The following NCR1 variants were observed in gnomAD, a reference collection of about 807,000 sequenced individuals.
NCR1 encodes the protein natural cytotoxicity triggering receptor 1.
NCR1 carries 30 observed loss-of-function variants against 32.5 expected under a neutral mutation model. The observed-to-expected ratio is 0.92, with a 90% CI of 0.69 to 1.25. The LOEUF (loss-of-function observed/expected upper bound fraction) is 1.25. NCR1 is among the 50% of genes most tolerant of loss of function. The pLI is 0.00. For missense variants in NCR1, 369 were observed against 380.7 expected (o/e 0.97, Z 0.26); for synonymous variants, 169 against 143.4 (o/e 1.18, Z -1.28).
chr19:54,912,016 C>T (rs2068000726), intron 5 of NCR1, 152 bp from the exon 6 acceptor site: 1 of 692,590 alleles, frequency 1.4e-6, no homozygotes, highest in Non-Finnish European at 2.6e-6. Flanking sequence ...GTGGACCCTT[C>T]CACTTTACCT....
At chr19:54,934,407 G>GT in the NCR1 span, 48 of 1,404,368 alleles carry the variant, frequency 3.4e-5, no homozygotes, top group Middle Eastern at 3.5e-4. The surrounding 1 kb of genome is among the most constrained non-coding windows in gnomAD (Gnocchi z 6.7). Flanking sequence ...CCACGTGGGT[G>GT]GCGCAGTAAG....
chr19:54,932,810 C>A, the NCR1 span, among the ~76,000 whole-genome samples: 3 of 152,094 alleles, frequency 2.0e-5, no homozygotes, highest in African/African-American at 7.2e-5. Flanking sequence ...CACGCACCAC[C>A]AAGCCTGGTT....
upstream of NCR1, among the ~76,000 whole-genome samples, chr19:54,903,143 AAAG>A (rs2067330965): frequency 6.6e-6 from 1 of 151,852 alleles, no homozygotes; most frequent in African/African-American, 2.4e-5. Context: ...GAGAAAAAAA[AAAG>A]AATTAGCACA....
chr19:54,899,723 C>A, the NCR1 span, among the ~76,000 whole-genome samples: 1 of 151,984 alleles, frequency 6.6e-6, no homozygotes, highest in Non-Finnish European at 1.5e-5. Flanking sequence ...GTTCTTGCCC[C>A]CCCAGAAAAG....
intron 3 of NCR1, 34 bp from the exon 4 acceptor site, chr19:54,909,211 G>T: frequency 6.3e-7 from 1 of 1,587,934 alleles, no homozygotes; most frequent in East Asian, 2.3e-5. Context: ...TCATCACTGA[G>T]TTTCTGGTGT....
the NCR1 span, among the ~76,000 whole-genome samples, chr19:54,935,068 A>G: frequency 6.6e-6 from 1 of 152,080 alleles, no homozygotes; most frequent in African/African-American, 2.4e-5. Flanking sequence ...TCATGCCTCC[A>G]ACCCTGGCCT....
downstream of NCR1, among the ~76,000 whole-genome samples, chr19:54,917,207 C>T (rs1273330467): frequency 1.1e-4 from 16 of 151,060 alleles, no homozygotes; most frequent in African/African-American, 2.4e-4. Context: ...CCCAGCTACT[C>T]GGGAGGCTGA....
At chr19:54,901,488 C>T (rs1490522068), upstream of NCR1, among the ~76,000 whole-genome samples, 2 of 151,740 alleles carry the variant, frequency 1.3e-5, no homozygotes, top group East Asian at 1.9e-4. Flanking sequence ...GGGGACAGTC[C>T]CAGGAATGCT....
chr19:54,929,816 T>C, the NCR1 span, among the ~76,000 whole-genome samples: 20 of 151,974 alleles, frequency 1.3e-4, no homozygotes, highest in South Asian at 2.1e-4. Context: ...GTCTGAGATA[T>C]TGAAAACATA....
chr19:54,921,444 A>C, the NCR1 span, among the ~76,000 whole-genome samples: 1 of 152,180 alleles, frequency 6.6e-6, no homozygotes, highest in Non-Finnish European at 1.5e-5. Flanking sequence ...TTCAGTGCTG[A>C]AGCCACTCAA....
chr19:54,937,045 C>T, the NCR1 span, among the ~76,000 whole-genome samples: 1 of 151,498 alleles, frequency 6.6e-6, no homozygotes, highest in Non-Finnish European at 1.5e-5. Flanking sequence ...GGTGAAACCC[C>T]GTCTTTACTA....
Position 54,912,771 on chromosome 19 carries a change from T to C in NCR1, c.815T>C (p.Phe272Ser). 6.2e-7 allele frequency: 1 copy of C among 1,614,036 alleles called. No homozygotes were observed. Among genetic ancestry groups the C allele is most frequent in the Non-Finnish European group, 8.5e-7 (1 of 1,180,000 alleles). ...AFLVLVALVW[F>S]LVEDWLSRKR... is the part of the protein sequence containing the mutation. The stretch of plus-strand genomic sequence containing the variant: ...CTAGTCCTGGTGGCTCTAGTGTGGT[T>C]CCTGGTTGAAGACTGGCTCAGCAGG... Residue 272 changes from phenylalanine (F) to serine (S), a missense_variant, in exon 7 of 7, where the codon TTC becomes TCC. Transcript: ENST00000291890.
the NCR1 span, among the ~76,000 whole-genome samples, chr19:54,929,048 G>A: frequency 6.6e-6 from 1 of 152,162 alleles, no homozygotes; most frequent in Non-Finnish European, 1.5e-5. Flanking sequence ...CTTGAGGCTT[G>A]AAATATTCCT....
chr19:54,934,357 G>T, the NCR1 span: 1 of 909,924 alleles, frequency 1.1e-6, no homozygotes, highest in Non-Finnish European at 1.8e-6. The surrounding 1 kb of genome is among the most constrained non-coding windows in gnomAD (Gnocchi z 6.7). Flanking sequence ...AGGAGCCACC[G>T]TGCCGGGCCT....
Position 54,910,015 on chromosome 19 carries a change from C to T in NCR1, c.635-3C>T. On this transcript the variant is annotated splice_region_variant and splice_polypyrimidine_tract_variant and intron_variant, in intron 4 of 6. Coordinates refer to ENST00000291890, the MANE Select transcript of NCR1 (RefSeq NM_004829.7). Reference sequence around the variant, plus strand: ...ACTTTTTTTTCTTTATCTCCTTTTCCAGGCGACATTGAGAACACCAGCCTT... The same window carrying T: ...ACTTTTTTTTCTTTATCTCCTTTTCTAGGCGACATTGAGAACACCAGCCTT... 6.2e-7 allele frequency: 1 copy of T among 1,612,754 alleles called. No homozygotes were observed. Among genetic ancestry groups the T allele is most frequent in the Non-Finnish European group, 8.5e-7 (1 of 1,179,488 alleles).
chr19:54,898,454 T>C, the NCR1 span, among the ~76,000 whole-genome samples: 1 of 152,260 alleles, frequency 6.6e-6, no homozygotes, highest in African/African-American at 2.4e-5. Flanking sequence ...ATCTGGATAC[T>C]GGAGTGGAGG....
chr19:54,923,833 C>G, the NCR1 span: 19 of 1,614,046 alleles, frequency 1.2e-5, no homozygotes, highest in Non-Finnish European at 1.5e-5. Context: ...CTTCCTCCAA[C>G]AGCTTCTTGA....
At chr19:54,927,855 G>T in the NCR1 span, 1 of 1,293,138 alleles carries the variant, frequency 7.7e-7, no homozygotes, top group Non-Finnish European at 1.1e-6. Flanking sequence ...ACTTCGGGAG[G>T]CCAAGGCGGG....
chr19:54,916,980 G>A (rs1344011872), downstream of NCR1, among the ~76,000 whole-genome samples: 3 of 152,104 alleles, frequency 2.0e-5, no homozygotes, highest in East Asian at 1.9e-4. Flanking sequence ...CTCTGAAGCT[G>A]TCTGTGTGAC....
Sources: allele counts gnomAD v4.1 joint callset (sites outside exome capture counted in the v4.1 genomes callset), GRCh38; gene constraint gnomAD v4.1.1; non-coding constraint Gnocchi (gnomAD v3.1); transcripts MANE v1.5; gene names NCBI Gene and HGNC (gene_info 2026-07-23, HGNC 2026-07-21).